Variants in ZNF503 observed in about 807,000 individuals in gnomAD.
ZNF503 encodes NocA-like zinc finger 2.
ZNF503 carries 15 observed loss-of-function variants against 34.4 expected under a neutral mutation model. The ratio of observed to expected loss-of-function variants is 0.44; its 90% CI spans 0.29 to 0.67. ZNF503 has a LOEUF of 0.67. Ranked by LOEUF, ZNF503 falls within the 30% of genes least tolerant of loss-of-function variation. The probability of loss-of-function intolerance (pLI) is 0.13; values close to 1 mark genes in which losing one functional copy is unlikely to be tolerated. For synonymous variants in ZNF503, 580 were observed against 456.8 expected (o/e 1.27, Z -3.44); for missense variants, 1,007 against 926.8 (o/e 1.09, Z -1.12).
chr10:75,325,106 T>C, the ZNF503 span, among the ~76,000 whole-genome samples: 1 of 152,176 alleles, frequency 6.6e-6, no homozygotes, highest in Non-Finnish European at 1.5e-5. Context: ...ATCTTGGGTA[T>C]ATATCTAGGA....
the ZNF503 span, among the ~76,000 whole-genome samples, chr10:75,357,921 C>T: frequency 6.6e-6 from 1 of 152,194 alleles, no homozygotes; most frequent in Non-Finnish European, 1.5e-5. Flanking sequence ...TGAGTCTCCT[C>T]ATCTGGAAAT....
the ZNF503 span, among the ~76,000 whole-genome samples, chr10:75,377,035 C>T: frequency 1.3e-5 from 2 of 152,224 alleles, no homozygotes; most frequent in Non-Finnish European, 2.9e-5. Context: ...GCAACATCAG[C>T]ATCACCTGGG....
chr10:75,362,281 C>T, the ZNF503 span, among the ~76,000 whole-genome samples: 1 of 152,042 alleles, frequency 6.6e-6, no homozygotes, highest in East Asian at 1.9e-4. Context: ...GGGAGGGGGG[C>T]ACTCTGCAAA....
chr10:75,323,481 A>G, the ZNF503 span, among the ~76,000 whole-genome samples: 1 of 152,142 alleles, frequency 6.6e-6, no homozygotes, highest in Non-Finnish European at 1.5e-5. Flanking sequence ...CACCAGCACT[A>G]TTTGAGGTTT....
At chr10:75,381,805 CTTTTTTTTTTTTTTT>C in the ZNF503 span, among the ~76,000 whole-genome samples, 6 of 38,654 alleles carry the variant, frequency 1.6e-4, no homozygotes, top group African/African-American at 3.3e-4. Context: ...GAACCTAATT[CTTTTTTTTTTTTTTT>C]TTTTTTTTTT....
the ZNF503 span, among the ~76,000 whole-genome samples, chr10:75,370,990 T>A: frequency 6.6e-6 from 1 of 152,018 alleles, no homozygotes; most frequent in Non-Finnish European, 1.5e-5. Flanking sequence ...CTTTCGACTT[T>A]TAGAAACCTA....
At chr10:75,388,121 A>G in the ZNF503 span, among the ~76,000 whole-genome samples, 1 of 152,226 alleles carries the variant, frequency 6.6e-6, no homozygotes, top group Non-Finnish European at 1.5e-5. Context: ...TCCTGGGGAC[A>G]GCAGACCATG....
downstream of ZNF503, among the ~76,000 whole-genome samples, chr10:75,397,088 C>T (rs1359142795): frequency 6.6e-6 from 1 of 152,090 alleles, no homozygotes; most frequent in Non-Finnish European, 1.5e-5. Context: ...GGGTCCTGGC[C>T]GGGCGGGCTC....
the ZNF503 span, among the ~76,000 whole-genome samples, chr10:75,357,139 C>T: frequency 6.6e-6 from 1 of 151,376 alleles, no homozygotes; most frequent in East Asian, 1.9e-4. Flanking sequence ...AGCACAGGAG[C>T]ATGGTTTGTA....
chr10:75,281,821 C>G, the ZNF503 span, among the ~76,000 whole-genome samples: 139 of 152,340 alleles, frequency 9.1e-4, no homozygotes, highest in South Asian at 0.014. Flanking sequence ...GGACAAAGCA[C>G]AAATTCTCCC....
chr10:75,336,324 C>G, the ZNF503 span, among the ~76,000 whole-genome samples: 2 of 147,728 alleles, frequency 1.4e-5, no homozygotes, highest in Non-Finnish European at 3.0e-5. Flanking sequence ...GACTTGGAAA[C>G]ACATTAGAAA....
chr10:75,363,765 T>G, the ZNF503 span, among the ~76,000 whole-genome samples: 1 of 152,220 alleles, frequency 6.6e-6, no homozygotes, highest in Non-Finnish European at 1.5e-5. Flanking sequence ...ACCTAGCTGT[T>G]TTACATATAA....
At chr10:75,320,114 TAAAG>T in the ZNF503 span, among the ~76,000 whole-genome samples, 2 of 152,258 alleles carry the variant, frequency 1.3e-5, no homozygotes, top group Non-Finnish European at 2.9e-5. Flanking sequence ...TAAAACTAGA[TAAAG>T]AGAGTACAAA....
the ZNF503 span, among the ~76,000 whole-genome samples, chr10:75,302,405 T>C: frequency 6.6e-6 from 1 of 152,188 alleles, no homozygotes; most frequent in South Asian, 2.1e-4. Flanking sequence ...AAAGTTATAT[T>C]TGGGAAGATT....
the ZNF503 span, among the ~76,000 whole-genome samples, chr10:75,322,637 C>G: frequency 3.3e-5 from 5 of 151,884 alleles, no homozygotes; most frequent in African/African-American, 1.2e-4. Context: ...GGAGACCAGC[C>G]TGCGCAACAT....
chr10:75,301,691 G>C, the ZNF503 span, among the ~76,000 whole-genome samples: 3 of 151,544 alleles, frequency 2.0e-5, no homozygotes, highest in African/African-American at 7.3e-5. Context: ...GATTACAATT[G>C]CATTTAATTT....
Position 75,401,391 on chromosome 10 carries a change from A to G in ZNF503, c.29T>C (p.Leu10Pro), listed in dbSNP as rs1217847122. The G allele has an allele frequency of 3.9e-6, 6 of 1,538,698 alleles. No homozygotes were observed. The East Asian group carries it at 1.5e-4, about 38-fold the overall frequency. MSTAPSLSA[L>P]RSSKHSGGGG... ...GCCGCCGCTGTGCTTACTGCTTCTT[A>G]GGGCAGAAAGCGAGGGCGCTGTGCT... is the stretch of plus-strand genomic sequence containing the variant. Residue 10 changes from leucine (L) to proline (P), a missense_variant, in exon 1 of 2, where the codon CTA becomes CCA. By Grantham distance (98) the Leu-to-Pro change is moderately conservative. Coordinates refer to ENST00000372524, the MANE Select transcript of ZNF503 (RefSeq NM_032772.6).
At chr10:75,360,626 C>T in the ZNF503 span, 1 of 152,266 alleles carries the variant, frequency 6.6e-6, no homozygotes, top group Non-Finnish European at 1.5e-5. Context: ...CACAGGTGGG[C>T]TTGGCCCATT....
downstream of ZNF503, among the ~76,000 whole-genome samples, chr10:75,394,405 G>T (rs1843674954): frequency 6.6e-6 from 1 of 152,234 alleles, no homozygotes. Context: ...CCACCAGGCT[G>T]CTAGCCACAT....
Sources: gnomAD v4.1 joint callset for allele counts (sites outside exome capture counted in the v4.1 genomes callset) on GRCh38, gnomAD v4.1.1 for gene constraint, MANE v1.5 for transcripts, NCBI Gene and HGNC (gene_info 2026-07-23, HGNC 2026-07-21) for gene names.